Variants in NKAIN3 observed in about 807,000 individuals in gnomAD.
NKAIN3 encodes the protein sodium/potassium transporting ATPase interacting 3.
Under a neutral mutation model 30.2 loss-of-function variants are expected in NKAIN3, and 25 were observed. That is an observed-to-expected ratio of 0.83 (90% CI 0.60 to 1.16). NKAIN3 has a LOEUF of 1.16. NKAIN3 is among the 50% of genes most tolerant of loss of function. NKAIN3 has a pLI of 0.00. For synonymous variants in NKAIN3, 91 were observed against 89.6 expected, an observed-to-expected ratio of 1.02 and a Z score of -0.09; for missense variants, 225 against 254.1, an observed-to-expected ratio of 0.89 and a Z score of 0.78.
intron 6 of NKAIN3, among the ~76,000 whole-genome samples, chr8:62,964,352 G>C (rs1823645851): frequency 6.6e-6 from 1 of 152,200 alleles, no homozygotes; most frequent in African/African-American, 2.4e-5. Flanking sequence ...TAGGTACTGT[G>C]TTGAGGTTGA....
At chr8:62,907,998 CACAG>C (rs1172638654) in intron 4 of NKAIN3, among the ~76,000 whole-genome samples, 1 of 152,128 alleles carries the variant, frequency 6.6e-6, no homozygotes, top group Non-Finnish European at 1.5e-5. Context: ...CTGGAAAAGC[CACAG>C]ACACTCATTG....
chr8:62,723,959 A>G (rs1377937298), intron 3 of NKAIN3, among the ~76,000 whole-genome samples: 2 of 152,164 alleles, frequency 1.3e-5, no homozygotes, highest in African/African-American at 4.8e-5. Context: ...TTTTCTCTGC[A>G]TTCCATCAAG....
At chr8:62,450,455 C>A (rs571455755) in intron 1 of NKAIN3, among the ~76,000 whole-genome samples, 1 of 152,244 alleles carries the variant, frequency 6.6e-6, no homozygotes, top group South Asian at 2.1e-4. Context: ...TTACCCAGAG[C>A]AAACGCCACT....
chr8:62,826,973 C>G (rs1481890878), intron 4 of NKAIN3, among the ~76,000 whole-genome samples: 1 of 152,158 alleles, frequency 6.6e-6, no homozygotes, highest in African/African-American at 2.4e-5. Context: ...AAGGAAATTA[C>G]TCAGTTATTT....
intron 5 of NKAIN3, among the ~76,000 whole-genome samples, chr8:62,939,366 T>G (rs749747888): frequency 1.4e-4 from 21 of 152,314 alleles, no homozygotes; most frequent in Middle Eastern, 3.4e-3. Flanking sequence ...CTGGCCTTAC[T>G]ACAGATCTAG....
At chr8:62,615,433 G>T (rs893458910) in intron 3 of NKAIN3, among the ~76,000 whole-genome samples, 1 of 152,138 alleles carries the variant, frequency 6.6e-6, no homozygotes, top group African/African-American at 2.4e-5. Context: ...GTGAAGTGTG[G>T]AGTTAGGGGA....
At chr8:62,648,289 T>C (rs1398936884) in intron 3 of NKAIN3, among the ~76,000 whole-genome samples, 6 of 151,894 alleles carry the variant, frequency 4.0e-5, no homozygotes, top group African/African-American at 1.5e-4. Flanking sequence ...GAGATTACAA[T>C]TGGCGGTTGA....
Position 62,351,219 on chromosome 8 carries a change from C to T in NKAIN3, c.54+102092C>T, listed in dbSNP as rs1356491503. ...CAGGATGTCTACAGATATCAAAATCCGAGGGTGCTAAGTTTCTTGTATAAA... is the reference window on the plus strand; with the variant it reads ...CAGGATGTCTACAGATATCAAAATCTGAGGGTGCTAAGTTTCTTGTATAAA... On this transcript the variant is annotated intron_variant, in intron 1 of 6. Coordinates refer to ENST00000623646, the MANE Select transcript of NKAIN3 (RefSeq NM_001304533.3). 4.7e-5 allele frequency among the ~76,000 whole-genome samples: 7 copies of T among 149,758 alleles called. No homozygotes were observed. The East Asian group carries it at 7.8e-4, about 17-fold the overall frequency.
At chr8:62,307,149 C>A (rs1814272016) in intron 1 of NKAIN3, among the ~76,000 whole-genome samples, 1 of 149,604 alleles carries the variant, frequency 6.7e-6, no homozygotes, top group Non-Finnish European at 1.5e-5. Context: ...AGCTAAGCAG[C>A]TGGTATCTCC....
chr8:62,806,575 G>A (rs1359740137), intron 4 of NKAIN3, among the ~76,000 whole-genome samples: 1 of 152,046 alleles, frequency 6.6e-6, no homozygotes, highest in African/African-American at 2.4e-5. Flanking sequence ...AACACCGCAT[G>A]TTCTCACTCA....
intron 1 of NKAIN3, among the ~76,000 whole-genome samples, chr8:62,506,228 T>TGGA (rs538711855): frequency 3.3e-4 from 42 of 129,136 alleles, no homozygotes; most frequent in Non-Finnish European, 6.2e-4. Flanking sequence ...ATGAGAATAT[T>TGGA]GGGGGGGGGG....
intron 3 of NKAIN3, among the ~76,000 whole-genome samples, chr8:62,687,479 T>A (rs1813836039): frequency 6.6e-6 from 1 of 152,222 alleles, no homozygotes. Context: ...TTTGACTGTG[T>A]CTGCCTAGAT....
At chr8:62,991,850 T>C (rs1824326440) in intron 5 of NKAIN3, among the ~76,000 whole-genome samples, 1 of 152,152 alleles carries the variant, frequency 6.6e-6, no homozygotes, top group South Asian at 2.1e-4. Flanking sequence ...AGTGTCCTGG[T>C]GAATAAAAAA....
intron 4 of NKAIN3, among the ~76,000 whole-genome samples, chr8:62,803,122 G>C (rs977560096): frequency 1.3e-5 from 2 of 152,058 alleles, no homozygotes; most frequent in Non-Finnish European, 2.9e-5. Context: ...AGCAAGTCCT[G>C]AGTGACCTAC....
chr8:62,431,010 G>C (rs1045647395), intron 1 of NKAIN3, among the ~76,000 whole-genome samples: 5 of 151,892 alleles, frequency 3.3e-5, no homozygotes, highest in Non-Finnish European at 7.4e-5. Flanking sequence ...AAATGGCAAA[G>C]CATTTGGACT....
intron 1 of NKAIN3, among the ~76,000 whole-genome samples, chr8:62,381,672 AGATGGAGTGGAGAGACTTT>A (rs1446061510): frequency 6.6e-6 from 1 of 152,196 alleles, no homozygotes; most frequent in Non-Finnish European, 1.5e-5. Context: ...GGACTCTGAT[AGATGGAGTGGAGAGACTTT>A]GATCTACAGA....
intron 3 of NKAIN3, among the ~76,000 whole-genome samples, chr8:62,640,020 G>A (rs993296649): frequency 2.0e-5 from 3 of 152,012 alleles, no homozygotes; most frequent in African/African-American, 7.2e-5. Context: ...CTAATTTGAC[G>A]TTTAGCACTG....
chr8:62,956,662 A>G (rs1027371181), intron 6 of NKAIN3, among the ~76,000 whole-genome samples: 3 of 152,178 alleles, frequency 2.0e-5, no homozygotes, highest in Admixed American at 6.5e-5. Context: ...TAATGATATC[A>G]AGCTAAAAAA....
chr8:62,753,224 ACACACACACG>A (rs963542228), intron 4 of NKAIN3, among the ~76,000 whole-genome samples: 17 of 150,202 alleles, frequency 1.1e-4, no homozygotes, highest in Non-Finnish European at 2.1e-4. Flanking sequence ...ACACACACAC[ACACACACACG>A]CACGCACGCA....
Sources: gnomAD v4.1 joint callset for allele counts (sites outside exome capture counted in the v4.1 genomes callset) on GRCh38, gnomAD v4.1.1 for gene constraint, MANE v1.5 for transcripts, NCBI Gene and HGNC (gene_info 2026-07-23, HGNC 2026-07-21) for gene names.